The following RECK variants were observed in gnomAD, a reference collection of about 807,000 sequenced individuals.
RECK encodes reversion-inducing cysteine-rich protein with Kazal motifs.
RECK carries 69 observed loss-of-function variants against 115.1 expected under a neutral mutation model. That is an observed-to-expected ratio of 0.60 (90% CI 0.49 to 0.73). RECK has a LOEUF of 0.73. Ranked by LOEUF, RECK falls within the 30% of genes least tolerant of loss-of-function variation. RECK has a pLI of 0.00. For synonymous variants in RECK, 414 were observed against 419.7 expected (o/e 0.99, Z 0.17); for missense variants, 1,047 against 1,203.7 (o/e 0.87, Z 1.93).
rs771194327 is a variant in RECK, at chr9:36,060,165, A to G, written c.271+10A>G. ...AATTCATCTTTGCCAGGTAAGCAAT[A>G]AAAGTGTAACATTTAGCACTTAATT... is the stretch of plus-strand genomic sequence containing the variant. On this transcript the variant is annotated intron_variant, in intron 4 of 20. Coordinates refer to ENST00000377966, the MANE Select transcript of RECK (RefSeq NM_021111.3). 6.2e-7 allele frequency: 1 copy of G among 1,612,792 alleles called. No individual in the cohort carries two copies. The highest frequency in any genetic ancestry group is 8.5e-7 in the Non-Finnish European group (1 of 1,179,100).
chr9:36,058,791 A>G, intron 2 of RECK, 36 bp from the exon 3 acceptor site: 1 of 1,517,960 alleles, frequency 6.6e-7, no homozygotes, highest in South Asian at 1.2e-5. Flanking sequence ...TCTTATAGAA[A>G]AATGCCACAA....
intron 16 of RECK, among the ~76,000 whole-genome samples, chr9:36,113,680 C>T (rs1488151787): frequency 6.6e-6 from 1 of 152,098 alleles, no homozygotes; most frequent in Non-Finnish European, 1.5e-5. Flanking sequence ...TGGTAACAGA[C>T]AAATGACACA....
chr9:36,109,964 A>T lies in RECK; in HGVS notation c.1773A>T (p.Gly591=). The T allele has an allele frequency of 6.2e-7, 1 of 1,612,104 alleles. No individual in the cohort carries two copies. The highest frequency in any genetic ancestry group is 1.1e-5 in the South Asian group (1 of 91,040). ...TCTTTCTGTTTCTGTCAGGTCATGG[A>T]ACATCCTTTAGTATTGACTGCAATG... is the stretch of plus-strand genomic sequence containing the variant. ...CIVGGKRKSH[G]TSFSIDCNVC... The change falls in exon 15 of 21, where the codon GGA becomes GGT. Residue 591 remains glycine, a synonymous_variant. Coordinates refer to ENST00000377966, the MANE Select transcript of RECK (RefSeq NM_021111.3).
chr9:36,111,773 T>G (rs970181081), intron 15 of RECK, among the ~76,000 whole-genome samples: 1 of 152,078 alleles, frequency 6.6e-6, no homozygotes, highest in Non-Finnish European at 1.5e-5. Flanking sequence ...AATTCTAGAT[T>G]TTATATGCCA....
intron 2 of RECK, 146 bp downstream of exon 2, chr9:36,052,469 A>G (rs1194115797): frequency 3.8e-6 from 2 of 531,446 alleles, no homozygotes; most frequent in Non-Finnish European, 6.8e-6. Context: ...CCCTGTCTCT[A>G]AAAAATAAAA....
At chr9:36,119,935 T>TA (rs1222000745) in intron 18 of RECK, among the ~76,000 whole-genome samples, 8 of 152,168 alleles carry the variant, frequency 5.3e-5, no homozygotes, top group African/African-American at 1.7e-4. Flanking sequence ...AAATAATTTT[T>TA]AAAATTAAAT....
intron 7 of RECK, among the ~76,000 whole-genome samples, chr9:36,082,743 ACTCTT>A (rs1470331780): frequency 2.6e-5 from 4 of 152,138 alleles, no homozygotes; most frequent in Non-Finnish European, 5.9e-5. Flanking sequence ...ATTTAGGCAA[ACTCTT>A]ACAGATAGAT....
chr9:36,082,992 C>G (rs1176003134), intron 7 of RECK, among the ~76,000 whole-genome samples: 3 of 152,152 alleles, frequency 2.0e-5, no homozygotes, highest in African/African-American at 7.2e-5. Flanking sequence ...TCAACATGGG[C>G]ACTCTTGGCA....
At chr9:36,118,366 A>G (rs1824341057) in intron 17 of RECK, among the ~76,000 whole-genome samples, 1 of 152,098 alleles carries the variant, frequency 6.6e-6, no homozygotes, top group Non-Finnish European at 1.5e-5. Context: ...TCCCATACCC[A>G]GCATGAAATG....
At position 36,044,946 on chromosome 9, in the gene RECK, G is replaced by C. The variant is rs150215077; in HGVS notation, c.101-7319G>C. ...TGATTAGAAGAGGGATGTCATGAAA[G>C]GTCTGTTAAAAAAAGTAATCTGGCA... On this transcript the variant is annotated intron_variant, in intron 1 of 20. Coordinates refer to ENST00000377966, the MANE Select transcript of RECK (RefSeq NM_021111.3). Among the ~76,000 whole-genome samples, 956 of 152,250 alleles carry C rather than the reference G, an allele frequency of 6.3e-3. 6 individuals are homozygous for C. The highest frequency in any genetic ancestry group is 9.8e-3 in the Non-Finnish European group (669 of 68,010).
intron 10 of RECK, among the ~76,000 whole-genome samples, chr9:36,099,799 T>A (rs1823494635): frequency 6.6e-6 from 1 of 152,158 alleles, no homozygotes; most frequent in South Asian, 2.1e-4. Flanking sequence ...ACAGGCGAAA[T>A]TAATCTATGG....
At chr9:36,055,427 A>C (rs1220440280) in intron 2 of RECK, among the ~76,000 whole-genome samples, 3 of 152,190 alleles carry the variant, frequency 2.0e-5, no homozygotes, top group Non-Finnish European at 4.4e-5. Context: ...GGAAACCAGA[A>C]ACTGGGACCT....
intron 6 of RECK, among the ~76,000 whole-genome samples, chr9:36,077,478 A>G (rs1355140869): frequency 6.6e-6 from 1 of 152,226 alleles, no homozygotes; most frequent in Admixed American, 6.5e-5. Context: ...AGAGGGAGAT[A>G]TGATCAGTCT....
intron 11 of RECK, among the ~76,000 whole-genome samples, chr9:36,101,176 CTCTTGACCTGGTGATCCA>C: frequency 6.6e-6 from 1 of 152,160 alleles, no homozygotes; most frequent in East Asian, 1.9e-4. Context: ...TGGCCTCAAT[CTCTTGACCTGGTGATCCA>C]CCCGCCTCGG....
At chr9:36,085,372 CTGAT>C (rs972167837) in intron 8 of RECK, 3 of 155,934 alleles carry the variant, frequency 1.9e-5, no homozygotes, top group Middle Eastern at 5.1e-4. Flanking sequence ...TAAAAACTGA[CTGAT>C]TGACCAAACT....
intron 6 of RECK, among the ~76,000 whole-genome samples, chr9:36,073,319 T>C (rs113794976): frequency 6.6e-6 from 1 of 151,862 alleles, no homozygotes; most frequent in Admixed American, 6.6e-5. Context: ...TTGCATTTCT[T>C]GTTTGGTTGT....
intron 9 of RECK, 107 bp downstream of exon 9, chr9:36,088,068 C>T: frequency 1.3e-6 from 1 of 783,910 alleles, no homozygotes; most frequent in South Asian, 1.8e-5. Flanking sequence ...ATAGGTTTAG[C>T]ATTTAGAAAA....
Position 36,121,454 on chromosome 9 carries a change from T to C in RECK, c.2539-79T>C, listed in dbSNP as rs937049469. The stretch of plus-strand genomic sequence containing the variant: ...GTGCGGTCAAAAGAGCCTCCTCAGC[T>C]GGCAGCCCAAAGCAAGGGAGCTTAG... On this transcript the variant is annotated intron_variant, in intron 19 of 20. Transcript: ENST00000377966. 4 of 1,399,912 alleles carry C rather than the reference T, an allele frequency of 2.9e-6. No individual in the cohort carries two copies. The African/African-American group carries it at 4.3e-5, about 15-fold the overall frequency. The allele number at this position is 1,399,912 out of a possible 1,614,324, so 86.7% of individuals were successfully genotyped here.
chr9:36,116,193 A>C (rs559172178), intron 16 of RECK, among the ~76,000 whole-genome samples: 1 of 144,670 alleles, frequency 6.9e-6, no homozygotes, highest in South Asian at 2.1e-4. Flanking sequence ...CAATGGCGCG[A>C]TATCAGCTCA....
Sources: gnomAD v4.1 joint callset for allele counts (sites outside exome capture counted in the v4.1 genomes callset) on GRCh38, gnomAD v4.1.1 for gene constraint, MANE v1.5 for transcripts, NCBI Gene and HGNC (gene_info 2026-07-23, HGNC 2026-07-21) for gene names.